Variants in PTPRD observed in about 807,000 individuals in gnomAD.
PTPRD encodes the protein receptor-type tyrosine-protein phosphatase delta.
A neutral mutation model predicts 214.5 loss-of-function variants in PTPRD; 34 were observed. The observed-to-expected ratio is 0.16, with a 90% CI of 0.12 to 0.21. The LOEUF (loss-of-function observed/expected upper bound fraction) is 0.21, where lower values mean the gene tolerates loss of function less well. Among genes scored for constraint, PTPRD ranks in the 10% least tolerant of loss-of-function variants. The probability of loss-of-function intolerance (pLI) is 1.00; values close to 1 mark genes in which losing one functional copy is unlikely to be tolerated. For missense variants in PTPRD, 2,545 were observed against 2,398.7 expected, an observed-to-expected ratio of 1.06 and a Z score of -1.27; for synonymous variants, 1,128 against 845.7, an observed-to-expected ratio of 1.33 and a Z score of -5.79.
chr9:9,643,655 T>G (rs1024938611), intron 7 of PTPRD, among the ~76,000 whole-genome samples: 2 of 152,146 alleles, frequency 1.3e-5, no homozygotes, highest in Admixed American at 1.3e-4. Context: ...GAACAAAATC[T>G]ATTTTTCTAA....
intron 5 of PTPRD, among the ~76,000 whole-genome samples, chr9:9,915,088 C>T (rs1387546360): frequency 2.6e-5 from 4 of 152,162 alleles, no homozygotes; most frequent in African/African-American, 9.7e-5. Flanking sequence ...ACTCTCTTAG[C>T]ATAGGCTACT....
chr9:8,520,181 T>G (rs191574953), intron 20 of PTPRD, among the ~76,000 whole-genome samples: 4 of 152,300 alleles, frequency 2.6e-5, no homozygotes, highest in Non-Finnish European at 4.4e-5. Flanking sequence ...TTTCACTAAG[T>G]CACATTTATT....
chr9:8,488,787 T>C (rs1403094897), intron 27 of PTPRD, among the ~76,000 whole-genome samples: 1 of 152,224 alleles, frequency 6.6e-6, no homozygotes, highest in Non-Finnish European at 1.5e-5. Flanking sequence ...ATTAAACACC[T>C]GAGTCTCTGC....
At chr9:9,495,669 G>C (rs2096147005) in intron 8 of PTPRD, among the ~76,000 whole-genome samples, 1 of 152,098 alleles carries the variant, frequency 6.6e-6, no homozygotes, top group Admixed American at 6.5e-5. Context: ...GCTGAGAGCT[G>C]TTTTCATCAC....
intron 8 of PTPRD, among the ~76,000 whole-genome samples, chr9:9,506,583 A>T (rs1169635228): frequency 6.6e-6 from 1 of 151,414 alleles, no homozygotes; most frequent in African/African-American, 2.4e-5. Flanking sequence ...CCTAGAGATG[A>T]ATGTATCAGA....
intron 5 of PTPRD, among the ~76,000 whole-genome samples, chr9:9,820,871 T>C (rs956979572): frequency 2.6e-5 from 4 of 152,168 alleles, no homozygotes; most frequent in Non-Finnish European, 4.4e-5. Flanking sequence ...TACCATGCTG[T>C]TTTGGCTACT....
chr9:10,549,547 T>C (rs983104927), intron 2 of PTPRD, among the ~76,000 whole-genome samples: 1 of 152,126 alleles, frequency 6.6e-6, no homozygotes, highest in Non-Finnish European at 1.5e-5. Context: ...TACGTAGCAA[T>C]ATAAGAGTCA....
At chr9:10,280,566 C>A (rs931485408) in intron 3 of PTPRD, among the ~76,000 whole-genome samples, 3 of 152,176 alleles carry the variant, frequency 2.0e-5, no homozygotes, top group Admixed American at 6.5e-5. Context: ...GGCTCCACTC[C>A]CAGAGTCTCT....
intron 39 of PTPRD, among the ~76,000 whole-genome samples, chr9:8,362,320 G>A (rs2078708139): frequency 2.0e-5 from 3 of 152,152 alleles, no homozygotes; most frequent in Admixed American, 2.0e-4. Context: ...CAATAAGTTT[G>A]AGTTTAATTG....
intron 6 of PTPRD, among the ~76,000 whole-genome samples, chr9:9,759,618 C>T (rs116714854): frequency 0.011 from 1,569 of 137,402 alleles, 37 homozygotes; most frequent in African/African-American, 0.04. Context: ...AGTGTAGTGA[C>T]GCGATCTCAG....
At chr9:10,057,175 A>C (rs2097668192) in intron 3 of PTPRD, among the ~76,000 whole-genome samples, 1 of 152,116 alleles carries the variant, frequency 6.6e-6, no homozygotes, top group Non-Finnish European at 1.5e-5. Context: ...GTGAATCATA[A>C]AGTTCTGGAA....
chr9:10,405,754 T>A (rs750192234), intron 2 of PTPRD, among the ~76,000 whole-genome samples: 1 of 151,654 alleles, frequency 6.6e-6, no homozygotes, highest in African/African-American at 2.4e-5. Context: ...TAGTAAATAT[T>A]AACTAACTTA....
chr9:8,602,510 A>G (rs1485828996), intron 14 of PTPRD, among the ~76,000 whole-genome samples: 1 of 151,108 alleles, frequency 6.6e-6, no homozygotes, highest in African/African-American at 2.4e-5. Flanking sequence ...TAAACGTGTA[A>G]AAAGACAATA....
At chr9:8,562,955 C>T (rs2087043077) in intron 14 of PTPRD, among the ~76,000 whole-genome samples, 1 of 150,368 alleles carries the variant, frequency 6.7e-6, no homozygotes, top group Admixed American at 6.7e-5. Context: ...GTGTTTTTTG[C>T]ATATGGGCAC....
At chr9:10,577,897 A>G (rs374996738) in intron 2 of PTPRD, among the ~76,000 whole-genome samples, 13 of 146,470 alleles carry the variant, frequency 8.9e-5, no homozygotes, top group African/African-American at 3.0e-4. Flanking sequence ...AATATTCCAA[A>G]TCAGTACAAG....
intron 9 of PTPRD, among the ~76,000 whole-genome samples, chr9:9,301,324 T>C (rs1274676242): frequency 6.6e-6 from 1 of 151,866 alleles, no homozygotes; most frequent in Non-Finnish European, 1.5e-5. Flanking sequence ...CTGAAATGTG[T>C]TCCATCTCAA....
At chr9:10,107,451 G>T (rs762923345) in intron 3 of PTPRD, among the ~76,000 whole-genome samples, 1 of 151,950 alleles carries the variant, frequency 6.6e-6, no homozygotes, top group Non-Finnish European at 1.5e-5. Context: ...TGGAATTGCC[G>T]TTAGAATGAC....
chr9:8,378,051 G>T (rs1344251552), intron 37 of PTPRD, among the ~76,000 whole-genome samples: 1 of 151,976 alleles, frequency 6.6e-6, no homozygotes, highest in Non-Finnish European at 1.5e-5. Flanking sequence ...AATTCACAAG[G>T]TTTGATTCCT....
At chr9:9,036,536 CATA>C (rs1414014710) in intron 10 of PTPRD, among the ~76,000 whole-genome samples, 4 of 152,040 alleles carry the variant, frequency 2.6e-5, no homozygotes, top group Admixed American at 6.6e-5. Context: ...TTTAGTTAAT[CATA>C]ATGTGTCAAT....
Sources: allele counts gnomAD v4.1 joint callset (sites outside exome capture counted in the v4.1 genomes callset), GRCh38; gene constraint gnomAD v4.1.1; transcripts MANE v1.5; gene names NCBI Gene and HGNC (gene_info 2026-07-23, HGNC 2026-07-21).